The following ENTPD1 variants were observed in gnomAD, a reference collection of about 807,000 sequenced individuals.
ENTPD1 encodes the protein ATP diphosphohydrolase.
ENTPD1 carries 33 observed loss-of-function variants against 57.0 expected under a neutral mutation model. That is an observed-to-expected ratio of 0.58 (90% CI 0.44 to 0.77). ENTPD1 has a LOEUF of 0.77. Among genes scored for constraint, ENTPD1 ranks in the 30% least tolerant of loss-of-function variants. ENTPD1 has a pLI of 0.00. For missense variants in ENTPD1, 501 were observed against 603.4 expected (o/e 0.83, Z 1.78); for synonymous variants, 202 against 218.8 (o/e 0.92, Z 0.68).
At chr10:95,711,444 C>T (rs2097965495), upstream of ENTPD1, among the ~76,000 whole-genome samples, 1 of 152,226 alleles carries the variant, frequency 6.6e-6, no homozygotes, top group South Asian at 2.1e-4. Context: ...GCTGTTCATA[C>T]TTGGTTGAAC....
chr10:95,835,654 T>C (rs993341398), intron 2 of ENTPD1, among the ~76,000 whole-genome samples: 1 of 152,194 alleles, frequency 6.6e-6, no homozygotes, highest in Admixed American at 6.5e-5. Context: ...TGGTATCTCA[T>C]TGTGGTTTTA....
chr10:95,736,884 T>A (rs895128869), intron 1 of ENTPD1, among the ~76,000 whole-genome samples: 3 of 152,358 alleles, frequency 2.0e-5, no homozygotes, highest in African/African-American at 7.2e-5. Flanking sequence ...CAGTAGTTTC[T>A]CAGCTTTGTT....
chr10:95,742,796 T>G (rs958438421), intron 1 of ENTPD1, among the ~76,000 whole-genome samples: 1 of 152,142 alleles, frequency 6.6e-6, no homozygotes, highest in African/African-American at 2.4e-5. Context: ...TCACAAGGGG[T>G]TTCCGGTACA....
intron 7 of ENTPD1, among the ~76,000 whole-genome samples, chr10:95,854,224 G>A (rs1008541111): frequency 1.3e-5 from 2 of 152,196 alleles, no homozygotes; most frequent in African/African-American, 2.4e-5. Context: ...TTGCATAGAG[G>A]TGTTTATAGT....
Position 95,844,610 on chromosome 10 carries a change from A to G in ENTPD1, c.548A>G (p.Asn183Ser), listed in dbSNP as rs1332701498. The G allele has an allele frequency of 3.1e-6, 5 of 1,614,176 alleles. No individual in the cohort carries two copies. Among genetic ancestry groups the G allele is most frequent in the Non-Finnish European group, 4.2e-6 (5 of 1,180,034 alleles). ...GGTGCCTATGGCTGGATTACTATCA[A>G]CTATCTGCTGGGCAAATTCAGTCAG... ...EEGAYGWITI[N>S]YLLGKFSQKT... The change falls in exon 5 of 10, where the codon AAC (asparagine) becomes AGC (serine). Residue 183 changes from asparagine (N) to serine (S), a missense_variant. By Grantham distance (46) the Asn-to-Ser change is conservative. Coordinates refer to ENST00000371205, the MANE Select transcript of ENTPD1 (RefSeq NM_001776.6).
intron 1 of ENTPD1, among the ~76,000 whole-genome samples, chr10:95,787,905 TCCATCAACCC>T (rs375127513): frequency 8.0e-4 from 122 of 152,298 alleles, no homozygotes; most frequent in African/African-American, 2.7e-3. Flanking sequence ...AACACTTTCC[TCCATCAACCC>T]CCACCCCCAA....
chr10:95,783,772 A>G (rs916627184), intron 1 of ENTPD1, among the ~76,000 whole-genome samples: 2 of 151,460 alleles, frequency 1.3e-5, no homozygotes, highest in Non-Finnish European at 2.9e-5. Context: ...TGGCATTTTG[A>G]TGGTAGGAAA....
At chr10:95,789,031 A>G (rs1356451721) in intron 1 of ENTPD1, among the ~76,000 whole-genome samples, 1 of 152,220 alleles carries the variant, frequency 6.6e-6, no homozygotes, top group African/African-American at 2.4e-5. Flanking sequence ...GTTACAGTTC[A>G]GTGGAAGAAC....
At chr10:95,815,607 A>C (rs547723279) in intron 1 of ENTPD1, among the ~76,000 whole-genome samples, 7 of 152,296 alleles carry the variant, frequency 4.6e-5, no homozygotes, top group African/African-American at 1.2e-4. Flanking sequence ...GGTGCTGGTT[A>C]AAAGCCTGGA....
chr10:95,696,460 A>G, the ENTPD1 span, among the ~76,000 whole-genome samples: 3 of 151,996 alleles, frequency 2.0e-5, no homozygotes, highest in African/African-American at 7.3e-5. Context: ...TTGCATTTGT[A>G]GTAGAGACGG....
chr10:95,773,246 G>A (rs185913619), intron 1 of ENTPD1, among the ~76,000 whole-genome samples: 11 of 152,308 alleles, frequency 7.2e-5, no homozygotes, highest in Admixed American at 2.0e-4. Flanking sequence ...TAAAATTTCA[G>A]TATGAGGCTT....
chr10:95,695,905 T>C, the ENTPD1 span, among the ~76,000 whole-genome samples: 3 of 152,206 alleles, frequency 2.0e-5, no homozygotes, highest in Admixed American at 1.3e-4. Context: ...ATTTCAGGAT[T>C]GTATTTCTTT....
chr10:95,845,444 G>C lies in ENTPD1; in HGVS notation c.661G>C (p.Val221Leu). The C allele has an allele frequency of 6.2e-7, 1 of 1,614,158 alleles. No individual in the cohort carries two copies. The highest frequency in any genetic ancestry group is 1.6e-4 in the Middle Eastern group (1 of 6,062). Reference sequence around the variant, plus strand: ...GGACCTTGGGGGAGCCTCTACACAAGTCACTTTTGTACCCCAAAACCAGAC... The same window carrying C: ...GGACCTTGGGGGAGCCTCTACACAACTCACTTTTGTACCCCAAAACCAGAC... ...ALDLGGASTQVTFVPQNQTIE... is the reference protein window; with the variant it reads ...ALDLGGASTQLTFVPQNQTIE... The change falls in exon 6 of 10, where the codon GTC becomes CTC. Residue 221 changes from valine (V) to leucine (L), a missense_variant. Val to Leu is a conservative substitution (Grantham distance 32, BLOSUM62 1). Coordinates refer to ENST00000371205, the MANE Select transcript of ENTPD1 (RefSeq NM_001776.6).
chr10:95,772,379 C>A (rs1438893158), intron 1 of ENTPD1, among the ~76,000 whole-genome samples: 1 of 152,238 alleles, frequency 6.6e-6, no homozygotes, highest in African/African-American at 2.4e-5. Flanking sequence ...TCCTCCAGCA[C>A]TCCTGCTGTT....
intron 2 of ENTPD1, among the ~76,000 whole-genome samples, chr10:95,831,277 C>T (rs1219739479): frequency 2.0e-5 from 3 of 152,206 alleles, no homozygotes; most frequent in African/African-American, 7.2e-5. Context: ...GATTTGTCAT[C>T]CCTGTCCTCT....
At chr10:95,742,405 G>A (rs2098001317) in intron 1 of ENTPD1, among the ~76,000 whole-genome samples, 1 of 151,804 alleles carries the variant, frequency 6.6e-6, no homozygotes, top group African/African-American at 2.4e-5. Flanking sequence ...ACCAGCAGTC[G>A]CTACTCCTTC....
At chr10:95,760,497 CAAAT>C (rs1225150357) in intron 1 of ENTPD1, among the ~76,000 whole-genome samples, 1 of 152,156 alleles carries the variant, frequency 6.6e-6, no homozygotes, top group African/African-American at 2.4e-5. Context: ...GTCGTGTAAT[CAAAT>C]AAGCCTTTAC....
At chr10:95,805,391 C>T (rs576641333) in intron 1 of ENTPD1, among the ~76,000 whole-genome samples, 25 of 152,288 alleles carry the variant, frequency 1.6e-4, no homozygotes, top group African/African-American at 5.5e-4. Flanking sequence ...ATTCGTTTCA[C>T]ATGAGATGGG....
At chr10:95,708,931 G>A (rs201800490), upstream of ENTPD1, among the ~76,000 whole-genome samples, 7 of 152,298 alleles carry the variant, frequency 4.6e-5, no homozygotes, top group East Asian at 9.6e-4. Context: ...GAACAGCGGT[G>A]AGAGCTCTCT....
Sources: allele counts gnomAD v4.1 joint callset (sites outside exome capture counted in the v4.1 genomes callset), GRCh38; gene constraint gnomAD v4.1.1; transcripts MANE v1.5; gene names NCBI Gene and HGNC (gene_info 2026-07-23, HGNC 2026-07-21).